MYOM1: variants seen among roughly 807,000 people sequenced by gnomAD.
MYOM1 encodes myomesin 1.
In MYOM1, 164 loss-of-function variants were observed where a neutral mutation model predicts 205.3. The observed-to-expected ratio is 0.80, with a 90% confidence interval of 0.70 to 0.91. The LOEUF is 0.91. Ranked by LOEUF, MYOM1 falls within the 40% of genes least tolerant of loss-of-function variation. The probability of loss-of-function intolerance (pLI) is 0.00; values close to 1 mark genes in which losing one functional copy is unlikely to be tolerated. For missense variants in MYOM1, 2,011 were observed against 2,127.3 expected, an observed-to-expected ratio of 0.95 and a Z score of 1.08; for synonymous variants, 772 against 789.4, an observed-to-expected ratio of 0.98 and a Z score of 0.37.
At chr18:3,106,419 G>A (rs1319310232) in intron 22 of MYOM1, among the ~76,000 whole-genome samples, 1 of 152,150 alleles carries the variant, frequency 6.6e-6, no homozygotes, top group East Asian at 1.9e-4. Flanking sequence ...CCTATGAGTC[G>A]TACATCATTA....
chr18:3,223,144 G>C (rs1390660966), upstream of MYOM1, among the ~76,000 whole-genome samples: 3 of 152,188 alleles, frequency 2.0e-5, no homozygotes, highest in African/African-American at 7.2e-5. Flanking sequence ...GCCTCCCAAA[G>C]TGCTGGGATT....
rs560579909 is a variant in MYOM1, at chr18:3,067,311, G to T, written c.5009C>A (p.Ala1670Glu). 84 of 1,611,286 alleles carry T rather than the reference G, an allele frequency of 5.2e-5. 2 individuals are homozygous for T. In the South Asian group the frequency reaches 8.9e-4, roughly 17 times the overall value. Residue 1670 changes from alanine to glutamate, a missense_variant, in exon 38 of 38, where the codon GCG (alanine) becomes GAG (glutamate). Physicochemically the swap from Ala to Glu is moderately radical, Grantham distance 107 (BLOSUM62 -1). Transcript: ENST00000356443. ...TVSVFIPEEE[A>E]RMAALESLKG... ...CAGGGACTCCAAGGCGGCCATCCTC[G>T]CCTCCTCCTCTGGGATGAACACGCT...
At chr18:3,177,698 C>T in intron 5 of MYOM1, among the ~76,000 whole-genome samples, 1 of 152,086 alleles carries the variant, frequency 6.6e-6, no homozygotes, top group East Asian at 1.9e-4. Flanking sequence ...ATCTCGAACC[C>T]CTGACCTCAG....
rs781194089 is a variant in MYOM1 at position 3,094,286 on chromosome 18, A to G, written c.3748T>C (p.Leu1250=). 4.3e-6 allele frequency: 7 copies of G among 1,613,676 alleles called. No homozygotes were observed. Among genetic ancestry groups the G allele is most frequent in the Non-Finnish European group, 5.9e-6 (7 of 1,179,734 alleles). Residue 1250 remains leucine (L), a synonymous_variant, in exon 26 of 38, where the codon TTG becomes CTG. Coordinates refer to ENST00000356443, the MANE Select transcript of MYOM1 (RefSeq NM_003803.4). ...CCTTTCTCCAAAATTTCAACTGCCA[A>G]CTCTGATTTAACTGGGACAGCTATG... is the stretch of plus-strand genomic sequence containing the variant. ...KFPTVPVKSE[L]AVEILEKGQV...
At chr18:3,185,238 G>A (rs1249087091) in intron 5 of MYOM1, among the ~76,000 whole-genome samples, 2 of 152,142 alleles carry the variant, frequency 1.3e-5, no homozygotes, top group Non-Finnish European at 2.9e-5. Flanking sequence ...GTATGTGGCC[G>A]GGTTTTTATT....
In MYOM1 at chr18:3,193,361, T is replaced by TACACACACAC. The variant is rs58632082; in HGVS notation, c.431+447_431+456dup. On this transcript the variant is annotated intron_variant, in intron 3 of 37. Transcript: ENST00000356443. ...ATGTACATATACATATATATATATA[T>TACACACACAC]ACACACACACACACACACACAATAA... 7.7e-3 allele frequency among the ~76,000 whole-genome samples: 1,042 copies of TACACACACAC among 135,780 alleles called. 18 individuals are homozygous for TACACACACAC. The highest frequency in any genetic ancestry group is 0.056 in the East Asian group (262 of 4,664). 89.1% of individuals were successfully genotyped at this position (135,780 alleles called of 152,430 possible).
intron 2 of MYOM1, among the ~76,000 whole-genome samples, chr18:3,203,901 CA>C (rs1415905842): frequency 2.0e-5 from 3 of 151,682 alleles, no homozygotes; most frequent in African/African-American, 7.3e-5. Flanking sequence ...TGGAATCCAG[CA>C]ACATATAAAA....
At chr18:3,129,106 T>G (rs1410279432) in intron 18 of MYOM1, 126 bp downstream of exon 18, 3 of 1,251,012 alleles carry the variant, frequency 2.4e-6, no homozygotes, top group Non-Finnish European at 3.3e-6. Context: ...GATGGCTAGC[T>G]GAAAACACAT....
intron 33 of MYOM1, among the ~76,000 whole-genome samples, chr18:3,080,324 C>G (rs2079069921): frequency 1.3e-5 from 2 of 151,878 alleles, no homozygotes; most frequent in Admixed American, 1.3e-4. Flanking sequence ...TTTTCTGAAA[C>G]AAGCATGTCT....
At chr18:3,072,301 A>G (rs1203092653) in intron 36 of MYOM1, among the ~76,000 whole-genome samples, 1 of 145,520 alleles carries the variant, frequency 6.9e-6, no homozygotes, top group South Asian at 2.2e-4. Context: ...CATCCACTTC[A>G]GCCTCTGAAA....
At chr18:3,150,961 G>A (rs1244034195) in intron 12 of MYOM1, among the ~76,000 whole-genome samples, 1 of 139,262 alleles carries the variant, frequency 7.2e-6, no homozygotes, top group Non-Finnish European at 1.5e-5. Flanking sequence ...ACTTACAGCT[G>A]TGTGCTACCA....
At chr18:3,127,305 A>ATTTTTTTTTTTTT (rs1555620545) in intron 18 of MYOM1, among the ~76,000 whole-genome samples, 3 of 47,570 alleles carry the variant, frequency 6.3e-5, no homozygotes, top group African/African-American at 1.8e-4. Flanking sequence ...ATATATATAT[A>ATTTTTTTTTTTTT]TTTTTTTTTT....
intron 17 of MYOM1, 87 bp from the exon 18 acceptor site, chr18:3,129,606 T>C (rs954014507): frequency 7.2e-7 from 1 of 1,397,542 alleles, no homozygotes; most frequent in Non-Finnish European, 9.6e-7. Flanking sequence ...AGAAAAACAT[T>C]AGGACCACAA....
chr18:3,131,250 A>G, intron 17 of MYOM1, 125 bp downstream of exon 17: 1 of 1,070,440 alleles, frequency 9.3e-7, no homozygotes, highest in Non-Finnish European at 1.3e-6. Context: ...AGAGAAAATG[A>G]TCATCTAAGG....
chr18:3,174,152 T>C lies in MYOM1; in HGVS notation c.1079A>G (p.Glu360Gly). 6.2e-7 allele frequency: 1 copy of C among 1,613,938 alleles called. No homozygotes were observed. Among genetic ancestry groups the C allele is most frequent in the Non-Finnish European group, 8.5e-7 (1 of 1,179,874 alleles). Residue 360 changes from glutamate (E) to glycine (G), a missense_variant, in exon 7 of 38, where the codon GAG (glutamate) becomes GGG (glycine). Glu to Gly is a moderately conservative substitution (Grantham distance 98). Coordinates refer to ENST00000356443, the MANE Select transcript of MYOM1 (RefSeq NM_003803.4). ...CACAACTGAAGCATATGCCGAAAGC[T>C]CTCCTTTAACATTCATCGCCGAGGC... ...YRASAMNVKG[E>G]LSAYASVVVK...
intron 19 of MYOM1, among the ~76,000 whole-genome samples, chr18:3,124,448 C>T (rs186363462): frequency 6.6e-6 from 1 of 151,200 alleles, no homozygotes; most frequent in African/African-American, 2.5e-5. Flanking sequence ...GACTCCACCA[C>T]TCCTGGGACT....
intron 6 of MYOM1, among the ~76,000 whole-genome samples, chr18:3,175,568 A>G (rs1043721068): frequency 6.6e-6 from 1 of 152,208 alleles, no homozygotes; most frequent in African/African-American, 2.4e-5. Context: ...GGTTCCTGGC[A>G]AGCTGAAGGA....
At chr18:3,079,471 A>T in intron 33 of MYOM1, 129 bp from the exon 34 acceptor site, 5 of 1,036,076 alleles carry the variant, frequency 4.8e-6, no homozygotes, top group Non-Finnish European at 6.8e-6. Context: ...TGCATATGTT[A>T]TTCTTCTGCT....
rs1041418267 is a variant in MYOM1 at position 3,169,086 on chromosome 18, A to C, written c.1175-105T>G. 3 of 964,772 alleles carry C rather than the reference A, an allele frequency of 3.1e-6. No homozygotes were observed. In the African/African-American group the frequency reaches 5.0e-5, roughly 16 times the overall value. 59.8% of individuals were successfully genotyped at this position (964,772 alleles called of 1,614,324 possible). ...AGCAGTCACAGCAAAAAAAAAATGA[A>C]CAAATGAGCAAATGATTTAACTGGG... is the stretch of plus-strand genomic sequence containing the variant. On this transcript the variant is annotated intron_variant, in intron 8 of 37. Transcript: ENST00000356443.
Sources: allele counts gnomAD v4.1 joint callset (sites outside exome capture counted in the v4.1 genomes callset), GRCh38; gene constraint gnomAD v4.1.1; transcripts MANE v1.5; gene names NCBI Gene and HGNC (gene_info 2026-07-23, HGNC 2026-07-21).